The following THSD4 variants were observed in gnomAD, a reference collection of about 807,000 sequenced individuals.
The protein encoded by THSD4 is thrombospondin type-1 domain-containing protein 4.
A neutral mutation model predicts 119.0 loss-of-function variants in THSD4; 69 were observed. The observed-to-expected ratio is 0.58, with a 90% CI of 0.48 to 0.71. The LOEUF is 0.71. Ranked by LOEUF, THSD4 falls within the 30% of genes least tolerant of loss-of-function variation. The probability of loss-of-function intolerance (pLI) is 0.00; values close to 1 mark genes in which losing one functional copy is unlikely to be tolerated. For synonymous variants in THSD4, 524 were observed against 540.4 expected (o/e 0.97, Z 0.42); for missense variants, 1,393 against 1,391.1 (o/e 1.00, Z -0.02).
intron 7 of THSD4, chr15:71,547,676 T>G: frequency 1.5e-6 from 1 of 649,406 alleles, no homozygotes; most frequent in African/African-American, 1.9e-5. Flanking sequence ...TTATACTTTC[T>G]AAAATGTCAT....
intron 17 of THSD4, 121 bp downstream of exon 17, chr15:71,771,329 T>C: frequency 7.8e-7 from 1 of 1,274,520 alleles, no homozygotes; most frequent in East Asian, 2.4e-5. Context: ...AGTCATGGAG[T>C]TCAGAGGGTT....
intron 6 of THSD4, among the ~76,000 whole-genome samples, chr15:71,259,416 A>T (rs915526913): frequency 1.3e-5 from 2 of 152,214 alleles, no homozygotes; most frequent in Non-Finnish European, 2.9e-5. Flanking sequence ...CTAGGAAACT[A>T]ATACAAAGAA....
At chr15:71,749,102 C>T (rs1295587062) in intron 14 of THSD4, among the ~76,000 whole-genome samples, 1 of 152,204 alleles carries the variant, frequency 6.6e-6, no homozygotes, top group East Asian at 1.9e-4. Context: ...TAAATTCATC[C>T]ATCAAAGGCA....
chr15:71,228,598 GAGA>G (rs2044036689), intron 4 of THSD4, among the ~76,000 whole-genome samples: 1 of 152,202 alleles, frequency 6.6e-6, no homozygotes, highest in Admixed American at 6.5e-5. Context: ...TGTGTAACAT[GAGA>G]AGAATTCTGT....
chr15:71,136,097 G>T (rs115330103), intron 1 of THSD4, among the ~76,000 whole-genome samples: 144 of 139,086 alleles, frequency 1.0e-3, no homozygotes, highest in African/African-American at 3.8e-3. Context: ...CTGGTTCCCT[G>T]TGTCTGAGCT....
intron 7 of THSD4, among the ~76,000 whole-genome samples, chr15:71,640,233 C>G (rs973850871): frequency 6.6e-6 from 1 of 151,770 alleles, no homozygotes; most frequent in African/African-American, 2.4e-5. Flanking sequence ...CAGGTACACA[C>G]TGCTATGCTC....
At chr15:71,760,074 A>G (rs968300181) in intron 15 of THSD4, among the ~76,000 whole-genome samples, 1 of 152,196 alleles carries the variant, frequency 6.6e-6, no homozygotes, top group African/African-American at 2.4e-5. Flanking sequence ...TTCAGAATAT[A>G]AAAATAAATG....
At chr15:71,329,554 T>A (rs1246369767) in intron 6 of THSD4, among the ~76,000 whole-genome samples, 2 of 152,028 alleles carry the variant, frequency 1.3e-5, no homozygotes, top group East Asian at 3.9e-4. Flanking sequence ...GTCTGTTGAG[T>A]GGAAAGGAGA....
intron 6 of THSD4, among the ~76,000 whole-genome samples, chr15:71,353,740 C>T (rs1055833411): frequency 3.9e-5 from 6 of 152,164 alleles, no homozygotes; most frequent in Non-Finnish European, 7.3e-5. Context: ...ATTTCAATGC[C>T]GGGATGATAA....
In THSD4 at chr15:71,384,942, T is replaced by G. The variant is rs1377210164; in HGVS notation, c.1016-26745T>G. Among the ~76,000 whole-genome samples, 4 of 152,202 alleles carry G rather than the reference T, an allele frequency of 2.6e-5. No homozygotes were observed. In the East Asian group the frequency reaches 7.7e-4, roughly 29 times the overall value. On this transcript the variant is annotated intron_variant, in intron 6 of 17. Transcript: ENST00000261862. ...TAACCAGCTTAGCCAATGATTTTTC[T>G]TTACCTAAACATGCAAGAAAAAGAA...
At chr15:71,748,386 G>A (rs780406685) in intron 13 of THSD4, 35 bp from the exon 14 acceptor site, 2 of 1,610,872 alleles carry the variant, frequency 1.2e-6, no homozygotes, top group African/African-American at 2.7e-5. Flanking sequence ...AGCTGAAGCT[G>A]CTGGTTCCCC....
chr15:71,565,641 C>CT (rs35402818), intron 7 of THSD4, among the ~76,000 whole-genome samples: 36,328 of 152,062 alleles, frequency 0.24, 5,182 homozygotes, highest in Non-Finnish European at 0.32. Flanking sequence ...TGGTAGAGAC[C>CT]TTATCCCTCT....
chr15:71,709,884 G>A (rs2052473760), intron 8 of THSD4, among the ~76,000 whole-genome samples: 1 of 152,152 alleles, frequency 6.6e-6, no homozygotes, highest in South Asian at 2.1e-4. Flanking sequence ...AACTTTTCAG[G>A]TGCTTGCCAT....
chr15:71,542,746 G>T (rs113646145), intron 7 of THSD4, among the ~76,000 whole-genome samples: 1 of 151,834 alleles, frequency 6.6e-6, no homozygotes, highest in African/African-American at 2.4e-5. Flanking sequence ...GTATGGTGGC[G>T]GGCACTTGTA....
intron 7 of THSD4, among the ~76,000 whole-genome samples, chr15:71,481,616 C>T (rs1169297226): frequency 6.6e-6 from 1 of 152,006 alleles, no homozygotes; most frequent in Non-Finnish European, 1.5e-5. Flanking sequence ...TCCTTTTTGC[C>T]CCTCTTCATG....
intron 7 of THSD4, among the ~76,000 whole-genome samples, chr15:71,615,063 A>G (rs931427140): frequency 7.2e-5 from 11 of 152,242 alleles, no homozygotes; most frequent in Non-Finnish European, 4.4e-5. Flanking sequence ...AAGAGCTGGC[A>G]TTCAGAATGG....
intron 7 of THSD4, among the ~76,000 whole-genome samples, chr15:71,545,484 G>A (rs1176833047): frequency 6.6e-6 from 1 of 152,328 alleles, no homozygotes; most frequent in East Asian, 1.9e-4. Context: ...GCGGCGTTGA[G>A]TAGTTGCTAC....
rs1455554156 is a variant in THSD4, at chr15:71,314,898, C to T, written c.1015+58183C>T. Reference sequence around the variant, plus strand: ...ATTTTCAAAGACAGTAGAATATAAACTTACACTGTCAAGTATTCTTATACT... The same window carrying T: ...ATTTTCAAAGACAGTAGAATATAAATTTACACTGTCAAGTATTCTTATACT... On this transcript the variant is annotated intron_variant, in intron 6 of 17. Coordinates refer to ENST00000261862, the MANE Select transcript of THSD4 (RefSeq NM_024817.3). 2.0e-5 allele frequency among the ~76,000 whole-genome samples: 3 copies of T among 152,134 alleles called. No individual in the cohort carries two copies. The East Asian group carries it at 5.8e-4, about 29-fold the overall frequency.
rs547669420 is a variant in THSD4, at chr15:71,621,241, A to T, written c.1153-39289A>T. Among the ~76,000 whole-genome samples, 193 of 152,360 alleles carry T rather than the reference A, an allele frequency of 1.3e-3. 2 individuals are homozygous for T. In the Middle Eastern group the frequency reaches 0.014, roughly 11 times the overall value. On this transcript the variant is annotated intron_variant, in intron 7 of 17. Transcript: ENST00000261862. ...GTACTAATAAAAATACTACTTAATT[A>T]CGAGTTTCTACAGGAAAAATTGAAA... is the stretch of plus-strand genomic sequence containing the variant.
Sources: gnomAD v4.1 joint callset for allele counts (sites outside exome capture counted in the v4.1 genomes callset) on GRCh38, gnomAD v4.1.1 for gene constraint, MANE v1.5 for transcripts, NCBI Gene and HGNC (gene_info 2026-07-23, HGNC 2026-07-21) for gene names.